The following VGLL4 variants were observed in gnomAD, a reference collection of about 807,000 sequenced individuals.
VGLL4 encodes the protein transcription cofactor vestigial-like protein 4.
Under a neutral mutation model 21.0 loss-of-function variants are expected in VGLL4, and 7 were observed. The ratio of observed to expected loss-of-function variants is 0.33; its 90% CI spans 0.19 to 0.63. VGLL4 has a LOEUF of 0.63. Ranked by LOEUF, VGLL4 falls within the 20% of genes least tolerant of loss-of-function variation. The pLI, the probability that VGLL4 is intolerant of heterozygous loss-of-function variation, is 0.78. For synonymous variants in VGLL4, 222 were observed against 173.2 expected (o/e 1.28, Z -2.21); for missense variants, 394 against 425.7 (o/e 0.93, Z 0.66).
intron 3 of VGLL4, among the ~76,000 whole-genome samples, chr3:11,562,997 G>A (rs998089504): frequency 6.6e-6 from 1 of 152,250 alleles, no homozygotes; most frequent in Non-Finnish European, 1.5e-5. Context: ...ACAGGGTAAA[G>A]AGAGTCAGGC....
In VGLL4 at chr3:11,691,153, A is replaced by G. The variant is rs911952174; in HGVS notation, c.64+11818T>C. Reference sequence around the variant, plus strand: ...GTGAGGGAGGGAGAGTAGCTGAAACAGGTTGTTGTTGTTGTTGTTGTTTTT... The same window carrying G: ...GTGAGGGAGGGAGAGTAGCTGAAACGGGTTGTTGTTGTTGTTGTTGTTTTT... On this transcript the variant is annotated intron_variant, in intron 2 of 5. Transcript: ENST00000273038. Among the ~76,000 whole-genome samples, 4 of 151,494 alleles carry G rather than the reference A, an allele frequency of 2.6e-5. No homozygotes were observed. In the South Asian group the frequency reaches 8.4e-4, roughly 32 times the overall value.
At chr3:11,570,360 C>T (rs1044528164) in intron 2 of VGLL4, among the ~76,000 whole-genome samples, 2 of 152,172 alleles carry the variant, frequency 1.3e-5, no homozygotes, top group Non-Finnish European at 2.9e-5. Flanking sequence ...AGGAGCAGTG[C>T]GGAGATGCCG....
chr3:11,710,241 G>C (rs1354842516), intron 1 of VGLL4, among the ~76,000 whole-genome samples: 1 of 152,152 alleles, frequency 6.6e-6, no homozygotes, highest in Non-Finnish European at 1.5e-5. Context: ...ATTTGGAGGG[G>C]ACAAACATCC....
chr3:11,564,092 G>A (rs1000525069), intron 3 of VGLL4, among the ~76,000 whole-genome samples: 3 of 152,198 alleles, frequency 2.0e-5, no homozygotes, highest in South Asian at 2.1e-4. Context: ...CTATTAGGTC[G>A]CAGTCCCTGG....
At chr3:11,694,083 G>A (rs1025432771) in intron 2 of VGLL4, among the ~76,000 whole-genome samples, 1 of 152,104 alleles carries the variant, frequency 6.6e-6, no homozygotes, top group African/African-American at 2.4e-5. Flanking sequence ...TCTATAAAAT[G>A]GGACTAATTA....
intron 2 of VGLL4, among the ~76,000 whole-genome samples, chr3:11,593,263 T>C (rs941861928): frequency 3.3e-5 from 5 of 152,194 alleles, no homozygotes; most frequent in African/African-American, 1.2e-4. Flanking sequence ...AAAGAGGGTA[T>C]GATCATGTTG....
chr3:11,573,364 A>G (rs139884173), intron 2 of VGLL4, among the ~76,000 whole-genome samples: 18,634 of 116,148 alleles, frequency 0.16, 2,233 homozygotes, highest in Non-Finnish European at 0.26. Flanking sequence ...AGAAAGAAAG[A>G]AAGAAAGAAA....
intron 2 of VGLL4, among the ~76,000 whole-genome samples, chr3:11,701,913 C>T (rs2076686133): frequency 6.6e-6 from 1 of 152,124 alleles, no homozygotes; most frequent in African/African-American, 2.4e-5. Flanking sequence ...TAACTTTGAA[C>T]AAGAACGTTT....
chr3:11,678,181 A>G (rs2076321486), intron 2 of VGLL4, among the ~76,000 whole-genome samples: 1 of 152,092 alleles, frequency 6.6e-6, no homozygotes, highest in Non-Finnish European at 1.5e-5. Context: ...CAGCCTCCCA[A>G]GTAGCTGGGA....
rs148956727 is a variant in VGLL4 at position 11,660,611 on chromosome 3, G to A, written c.64+42360C>T. Among the ~76,000 whole-genome samples the A allele has an allele frequency of 1.8e-4, 28 of 152,218 alleles. 1 individual carries two copies. Among genetic ancestry groups the A allele is most frequent in the African/African-American group, 6.7e-4 (28 of 41,534 alleles). On this transcript the variant is annotated intron_variant, in intron 2 of 5. Coordinates refer to the VGLL4 transcript ENST00000273038. Reference sequence around the variant, plus strand: ...GAAGTAACCCAGTTTCAAAATTTTAGTTTTACTTTGTAAGTTTCAGCATAT... The same window carrying A: ...GAAGTAACCCAGTTTCAAAATTTTAATTTTACTTTGTAAGTTTCAGCATAT...
intron 2 of VGLL4, among the ~76,000 whole-genome samples, chr3:11,656,920 AC>A (rs368560912): frequency 3.5e-4 from 53 of 152,246 alleles, no homozygotes; most frequent in African/African-American, 1.2e-3. Flanking sequence ...GGAAGGACTG[AC>A]CCGAGGAGGA....
At chr3:11,618,343 T>A (rs2075204162) in intron 1 of VGLL4, among the ~76,000 whole-genome samples, 1 of 152,170 alleles carries the variant, frequency 6.6e-6, no homozygotes, top group Admixed American at 6.5e-5. Context: ...ATAAAAAAAC[T>A]AAGAGGCTAT....
chr3:11,596,695 C>T (rs565122955), intron 2 of VGLL4, among the ~76,000 whole-genome samples: 36 of 152,274 alleles, frequency 2.4e-4, no homozygotes, highest in Middle Eastern at 3.4e-3. Context: ...TGGTAGCGAA[C>T]GGCCACATGT....
At chr3:11,558,886 G>T in intron 4 of VGLL4, 59 bp from the exon 5 acceptor site, 1 of 1,578,156 alleles carries the variant, frequency 6.3e-7, no homozygotes. Flanking sequence ...AGACAGGCAC[G>T]GTTGCAGCAC....
intron 2 of VGLL4, among the ~76,000 whole-genome samples, chr3:11,685,229 C>T (rs1184983103): frequency 2.0e-5 from 3 of 147,144 alleles, no homozygotes; most frequent in Admixed American, 1.4e-4. Flanking sequence ...GATGGAGTCT[C>T]GCTCTATTGC....
intron 3 of VGLL4, among the ~76,000 whole-genome samples, chr3:11,562,002 CGAT>C (rs1181479846): frequency 1.3e-5 from 2 of 149,936 alleles, no homozygotes; most frequent in Non-Finnish European, 1.5e-5. Flanking sequence ...CGGGTTCAAG[CGAT>C]TCTCCTGTCA....
intron 2 of VGLL4, among the ~76,000 whole-genome samples, chr3:11,579,224 A>G (rs1484163711): frequency 2.6e-5 from 4 of 151,876 alleles, no homozygotes; most frequent in Non-Finnish European, 4.4e-5. Flanking sequence ...TTCTAAAAAA[A>G]AAAAAAAAAA....
chr3:11,649,312 G>A (rs1286218884), intron 2 of VGLL4, among the ~76,000 whole-genome samples: 1 of 151,870 alleles, frequency 6.6e-6, no homozygotes, highest in East Asian at 1.9e-4. Flanking sequence ...CTGTGCTAAT[G>A]TATTTATGAA....
rs370673176 is a variant in VGLL4 at position 11,667,311 on chromosome 3, T to C, written c.64+35660A>G. On this transcript the variant is annotated intron_variant, in intron 2 of 5. Coordinates refer to the VGLL4 transcript ENST00000273038. ...TAGGTTAACATGGTGCAAAATACGA[T>C]TGCTGAGCTTTGCAATGATCTGTCC... Among the ~76,000 whole-genome samples the C allele has an allele frequency of 3.3e-4, 51 of 152,354 alleles. No homozygotes were observed. In the Middle Eastern group the frequency reaches 0.01, roughly 30 times the overall value.
Sources: allele counts gnomAD v4.1 joint callset (sites outside exome capture counted in the v4.1 genomes callset), GRCh38; gene constraint gnomAD v4.1.1; transcripts MANE v1.5; gene names NCBI Gene and HGNC (gene_info 2026-07-23, HGNC 2026-07-21).